Variants in PHLDB2 observed in about 807,000 individuals in gnomAD.
The protein encoded by PHLDB2 is pleckstrin homology-like domain family B member 2.
Under a neutral mutation model 123.6 loss-of-function variants are expected in PHLDB2, and 71 were observed. The ratio of observed to expected loss-of-function variants is 0.57; its 90% CI spans 0.47 to 0.70. The LOEUF is 0.70. Among genes scored for constraint, PHLDB2 ranks in the 30% least tolerant of loss-of-function variants. PHLDB2 has a pLI of 0.00. For synonymous variants in PHLDB2, 547 were observed against 541.6 expected, an observed-to-expected ratio of 1.01 and a Z score of -0.14; for missense variants, 1,446 against 1,519.5, an observed-to-expected ratio of 0.95 and a Z score of 0.80.
chr3:111,831,985 G>T (rs150753438), intron 1 of PHLDB2, among the ~76,000 whole-genome samples: 1 of 152,256 alleles, frequency 6.6e-6, no homozygotes, highest in African/African-American at 2.4e-5. Context: ...GGACCCAGCA[G>T]CAGTAAAAAT....
At chr3:111,857,265 A>T (rs1294496281), upstream of PHLDB2, among the ~76,000 whole-genome samples, 2 of 151,998 alleles carry the variant, frequency 1.3e-5, no homozygotes, top group African/African-American at 2.4e-5. Context: ...CAGTCTGGGC[A>T]ATGTGGTGAA....
intron 12 of PHLDB2, among the ~76,000 whole-genome samples, chr3:111,960,919 A>G (rs1216045950): frequency 1.3e-5 from 2 of 152,214 alleles, no homozygotes; most frequent in Non-Finnish European, 2.9e-5. Context: ...ATAAATAGAG[A>G]ATTGAAAAGA....
chr3:111,803,710 A>G (rs1392776024), intron 1 of PHLDB2, among the ~76,000 whole-genome samples: 2 of 152,228 alleles, frequency 1.3e-5, no homozygotes, highest in Non-Finnish European at 2.9e-5. Context: ...GTAGAATTTG[A>G]AAGTGTTAAC....
chr3:111,786,296 C>G (rs1445883963), intron 1 of PHLDB2, among the ~76,000 whole-genome samples: 1 of 152,184 alleles, frequency 6.6e-6, no homozygotes, highest in Non-Finnish European at 1.5e-5. Context: ...GTGCTTAGCA[C>G]AGATGCAGTT....
At chr3:111,949,987 A>C in intron 10 of PHLDB2, 4 of 848,530 alleles carry the variant, frequency 4.7e-6, no homozygotes, top group Non-Finnish European at 5.7e-6. Context: ...AGGCATTTTT[A>C]AAAAGGCAAG....
intron 1 of PHLDB2, among the ~76,000 whole-genome samples, chr3:111,799,667 TC>T (rs2061310029): frequency 6.6e-6 from 1 of 152,182 alleles, no homozygotes; most frequent in African/African-American, 2.4e-5. Context: ...TATAAAGACT[TC>T]CAGCAATTTC....
chr3:111,936,104 AT>A (rs1409900565), intron 6 of PHLDB2, among the ~76,000 whole-genome samples: 1 of 152,202 alleles, frequency 6.6e-6, no homozygotes, highest in Non-Finnish European at 1.5e-5. Context: ...TACCACATCT[AT>A]TCTCTTCTTC....
chr3:111,766,357 C>T (rs553745356), intron 1 of PHLDB2, among the ~76,000 whole-genome samples: 104 of 150,814 alleles, frequency 6.9e-4, no homozygotes, highest in African/African-American at 2.4e-3. Flanking sequence ...GCAGAAAAAT[C>T]GTTTGAACCC....
At chr3:111,943,123 T>C (rs79977934) in intron 8 of PHLDB2, among the ~76,000 whole-genome samples, 2,959 of 152,236 alleles carry the variant, frequency 0.019, 117 homozygotes, top group African/African-American at 0.068. Flanking sequence ...TTGGAGGATT[T>C]GTACTCTTAT....
intron 1 of PHLDB2, among the ~76,000 whole-genome samples, chr3:111,835,882 G>A (rs1430941657): frequency 6.6e-6 from 1 of 152,136 alleles, no homozygotes; most frequent in African/African-American, 2.4e-5. Flanking sequence ...GAAGTTGTCT[G>A]CCTTTTAGAG....
intron 1 of PHLDB2, among the ~76,000 whole-genome samples, chr3:111,834,232 TG>T (rs1413911837): frequency 2.3e-5 from 2 of 85,616 alleles, no homozygotes; most frequent in Admixed American, 1.5e-4. Context: ...ATATATATTA[TG>T]TATATAATAG....
At chr3:111,901,912 G>T (rs1025039382) in intron 2 of PHLDB2, among the ~76,000 whole-genome samples, 1 of 151,986 alleles carries the variant, frequency 6.6e-6, no homozygotes, top group Admixed American at 6.6e-5. Flanking sequence ...CTTATGGCCG[G>T]TTTTTTTCAG....
intron 1 of PHLDB2, among the ~76,000 whole-genome samples, chr3:111,765,890 GCA>G (rs573281180): frequency 3.6e-4 from 40 of 111,302 alleles, no homozygotes; most frequent in African/African-American, 1.5e-3. Context: ...TCTTTTATAT[GCA>G]CACACACACA....
intron 5 of PHLDB2, among the ~76,000 whole-genome samples, chr3:111,923,209 A>G (rs1226180667): frequency 6.6e-6 from 1 of 152,076 alleles, no homozygotes; most frequent in Admixed American, 6.6e-5. Flanking sequence ...CTCTCCTGTT[A>G]AGACTACTAA....
intron 1 of PHLDB2, among the ~76,000 whole-genome samples, chr3:111,814,886 C>T (rs2062003052): frequency 6.6e-6 from 1 of 152,140 alleles, no homozygotes; most frequent in South Asian, 2.1e-4. Flanking sequence ...TTGGCTGTGT[C>T]CCCACCCAAA....
At chr3:111,970,836 G>A (rs952712846) in intron 16 of PHLDB2, among the ~76,000 whole-genome samples, 2 of 152,046 alleles carry the variant, frequency 1.3e-5, no homozygotes, top group Non-Finnish European at 2.9e-5. Context: ...AAAATGTATC[G>A]ATGCAATAAA....
In PHLDB2 at chr3:111,920,452, A is replaced by G. The variant is rs188232522; in HGVS notation, c.2001+33A>G. On this transcript the variant is annotated intron_variant, in intron 5 of 17. Coordinates refer to ENST00000431670, the MANE Select transcript of PHLDB2 (RefSeq NM_001134438.2). ...AAAATTATATTTCAATGCAGTTTTT[A>G]TGGGCAAAGTGGTGGTCCCAGTTGA... The G allele has an allele frequency of 1.3e-5, 21 of 1,604,726 alleles. No individual in the cohort carries two copies. In the African/African-American group the frequency reaches 2.0e-4, roughly 15 times the overall value.
At chr3:111,845,690 A>G in intron 1 of PHLDB2, 1 of 1,030,280 alleles carries the variant, frequency 9.7e-7, no homozygotes, top group Non-Finnish European at 1.4e-6. Flanking sequence ...CTGTTTTTCA[A>G]CTTCAGCAGT....
chr3:111,943,104 A>C (rs1154263), intron 8 of PHLDB2, among the ~76,000 whole-genome samples: 77,038 of 151,914 alleles, frequency 0.51, 20,313 homozygotes, highest in East Asian at 0.74. Context: ...ACTTTGAACG[A>C]GAACAAAGTT....
Sources: allele counts gnomAD v4.1 joint callset (sites outside exome capture counted in the v4.1 genomes callset), GRCh38; gene constraint gnomAD v4.1.1; transcripts MANE v1.5; gene names NCBI Gene and HGNC (gene_info 2026-07-23, HGNC 2026-07-21).